Variants in RNGTT observed in about 807,000 individuals in gnomAD.
RNGTT encodes mRNA-capping enzyme.
RNGTT carries 33 observed loss-of-function variants against 79.3 expected under a neutral mutation model. The observed-to-expected ratio is 0.42, with a 90% confidence interval of 0.32 to 0.56. The LOEUF (loss-of-function observed/expected upper bound fraction) is 0.56. RNGTT is among the 20% of genes least tolerant of loss of function. The pLI is 0.17. For missense variants in RNGTT, 497 were observed against 739.1 expected (o/e 0.67, Z 3.80); for synonymous variants, 222 against 235.9 (o/e 0.94, Z 0.54).
At chr6:88,799,225 C>T (rs760597501) in intron 12 of RNGTT, among the ~76,000 whole-genome samples, 2 of 151,820 alleles carry the variant, frequency 1.3e-5, no homozygotes, top group African/African-American at 2.4e-5. Flanking sequence ...ATTTTCTCCA[C>T]GTTAATCTAA....
chr6:88,806,605 G>A (rs531398967), intron 11 of RNGTT, among the ~76,000 whole-genome samples: 5 of 151,980 alleles, frequency 3.3e-5, no homozygotes, highest in Non-Finnish European at 5.9e-5. Flanking sequence ...GTGGGCCACC[G>A]CACCCGGCCT....
At chr6:88,614,466 G>A (rs1772147710) in intron 14 of RNGTT, 71 bp from the exon 15 acceptor site, 3 of 1,430,752 alleles carry the variant, frequency 2.1e-6, no homozygotes, top group Admixed American at 3.6e-5. Context: ...TATGTGACAG[G>A]CACATTAGGA....
chr6:88,740,217 G>A (rs55649343), intron 13 of RNGTT, among the ~76,000 whole-genome samples: 6 of 151,950 alleles, frequency 3.9e-5, no homozygotes, highest in African/African-American at 1.2e-4. Flanking sequence ...AATTAAAAGC[G>A]ATCAAAAAAT....
intron 13 of RNGTT, among the ~76,000 whole-genome samples, chr6:88,720,973 C>A (rs946771389): frequency 6.6e-6 from 1 of 152,010 alleles, no homozygotes; most frequent in South Asian, 2.1e-4. Context: ...AAAATTACTT[C>A]TCTACTTCTT....
chr6:88,706,349 T>G (rs1214279654), intron 13 of RNGTT, among the ~76,000 whole-genome samples: 1 of 152,064 alleles, frequency 6.6e-6, no homozygotes, highest in Non-Finnish European at 1.5e-5. Context: ...CTGTATTTTA[T>G]TTTTCAAGGT....
chr6:88,662,564 A>T (rs1275625961), intron 14 of RNGTT, among the ~76,000 whole-genome samples: 2 of 152,156 alleles, frequency 1.3e-5, no homozygotes, highest in African/African-American at 4.8e-5. Context: ...AGTGTCCGAG[A>T]GGTTTTGTCT....
intron 14 of RNGTT, among the ~76,000 whole-genome samples, chr6:88,647,715 A>AAAAAAAAAAAAAAAG (rs531898293): frequency 7.0e-6 from 1 of 142,444 alleles, no homozygotes; most frequent in African/African-American, 3.0e-5. Context: ...AAAAAAAAAA[A>AAAAAAAAAAAAAAAG]AAGAAGAAGA....
At chr6:88,713,929 T>C (rs965731098) in intron 13 of RNGTT, among the ~76,000 whole-genome samples, 2 of 152,178 alleles carry the variant, frequency 1.3e-5, no homozygotes, top group Admixed American at 1.3e-4. Flanking sequence ...TATATAAATT[T>C]AATTTGGTTA....
intron 8 of RNGTT, among the ~76,000 whole-genome samples, chr6:88,868,085 C>A (rs970846009): frequency 8.6e-5 from 13 of 151,558 alleles, no homozygotes; most frequent in African/African-American, 2.9e-4. Flanking sequence ...TCAGAGTGTT[C>A]ATTTCCCTGC....
intron 13 of RNGTT, among the ~76,000 whole-genome samples, chr6:88,769,270 C>G (rs1448209827): frequency 1.3e-5 from 2 of 152,044 alleles, no homozygotes; most frequent in Non-Finnish European, 2.9e-5. Context: ...AAACAATCCT[C>G]CCACCTCAGC....
intron 14 of RNGTT, among the ~76,000 whole-genome samples, chr6:88,640,235 G>C (rs1773255890): frequency 6.6e-6 from 1 of 152,006 alleles, no homozygotes; most frequent in Admixed American, 6.6e-5. Context: ...ACATGTGGTA[G>C]GTATTAATTA....
At position 88,610,870 on chromosome 6, in the gene RNGTT, C is replaced by A. The variant is rs2756367; in HGVS notation, c.*1849G>T. 1 of 151,976 alleles carries A rather than the reference C, an allele frequency of 6.6e-6. No individual in the cohort carries two copies. The highest frequency in any genetic ancestry group is 1.5e-5 in the Non-Finnish European group (1 of 67,994). The allele number at this position is 151,976 out of a possible 1,614,324, so 9.4% of individuals were successfully genotyped here. A position where few individuals can be genotyped will look rare whatever the true frequency, so the allele number is the denominator to read the frequency against. On this transcript the variant is annotated 3_prime_UTR_variant, in exon 16 of 16. Transcript: ENST00000369485. ...AAAGGGCTCTGCCTTTCCACAGGCT[C>A]GGAGGGAAAGCAGCACACCGTGGAA...
At chr6:88,614,069 A>G (rs1459609295) in intron 15 of RNGTT, among the ~76,000 whole-genome samples, 3 of 152,230 alleles carry the variant, frequency 2.0e-5, no homozygotes, top group Non-Finnish European at 2.9e-5. Context: ...GCATGGGCAC[A>G]AGATCACCAG....
chr6:88,780,340 C>T (rs1779022510), intron 12 of RNGTT, among the ~76,000 whole-genome samples: 1 of 152,052 alleles, frequency 6.6e-6, no homozygotes, highest in Admixed American at 6.6e-5. Flanking sequence ...ACCAAATAAT[C>T]CCTTTTTCAT....
intron 11 of RNGTT, among the ~76,000 whole-genome samples, chr6:88,804,522 T>C (rs1203079896): frequency 6.6e-6 from 1 of 152,162 alleles, no homozygotes; most frequent in Middle Eastern, 3.2e-3. Flanking sequence ...TTATAGAATA[T>C]ACTATATGAA....
At chr6:88,768,671 T>C (rs1203291098) in intron 13 of RNGTT, among the ~76,000 whole-genome samples, 1 of 152,258 alleles carries the variant, frequency 6.6e-6, no homozygotes, top group Admixed American at 6.5e-5. Context: ...TTTGCTAGTA[T>C]TATCTTATTT....
intron 13 of RNGTT, among the ~76,000 whole-genome samples, chr6:88,750,462 G>A (rs536393785): frequency 1.3e-5 from 2 of 152,232 alleles, no homozygotes; most frequent in East Asian, 3.9e-4. Context: ...CGTCAGGTGA[G>A]GGAGGCAAAG....
At chr6:88,901,207 A>G (rs527241303) in intron 6 of RNGTT, among the ~76,000 whole-genome samples, 2 of 152,174 alleles carry the variant, frequency 1.3e-5, no homozygotes, top group East Asian at 3.9e-4. Flanking sequence ...TCCAGAAGAA[A>G]GAACAAATAG....
At chr6:88,940,228 A>C (rs1784804984) in intron 2 of RNGTT, among the ~76,000 whole-genome samples, 1 of 151,916 alleles carries the variant, frequency 6.6e-6, no homozygotes, top group Non-Finnish European at 1.5e-5. Flanking sequence ...ACAAGCACAC[A>C]CCACAATGCC....
Sources: allele counts gnomAD v4.1 joint callset (sites outside exome capture counted in the v4.1 genomes callset), GRCh38; gene constraint gnomAD v4.1.1; transcripts MANE v1.5; gene names NCBI Gene and HGNC (gene_info 2026-07-23, HGNC 2026-07-21).